Variants in DAB1 observed in about 807,000 individuals in gnomAD.
DAB1 encodes the protein DAB adaptor protein 1.
In DAB1, 15 loss-of-function variants were observed where a neutral mutation model predicts 64.6. That is an observed-to-expected ratio of 0.23 (90% CI 0.16 to 0.36). DAB1 has a LOEUF of 0.36. Ranked by LOEUF, DAB1 falls within the 10% of genes least tolerant of loss-of-function variation. DAB1 has a pLI of 1.00. For synonymous variants in DAB1, 235 were observed against 251.9 expected, an observed-to-expected ratio of 0.93 and a Z score of 0.64; for missense variants, 596 against 706.7, an observed-to-expected ratio of 0.84 and a Z score of 1.78.
At chr1:57,755,393 A>G (rs1332969197) in intron 6 of DAB1, among the ~76,000 whole-genome samples, 2 of 152,158 alleles carry the variant, frequency 1.3e-5, no homozygotes, top group Non-Finnish European at 2.9e-5. Context: ...GTGTATATGT[A>G]TATTTTCCCG....
chr1:57,745,903 A>G (rs192524710), intron 6 of DAB1, among the ~76,000 whole-genome samples: 187 of 152,308 alleles, frequency 1.2e-3, no homozygotes, highest in African/African-American at 4.3e-3. Context: ...CGAACAACAT[A>G]AGTTGTTGAT....
intron 4 of DAB1, among the ~76,000 whole-genome samples, chr1:58,246,327 G>C (rs1453856941): frequency 6.6e-6 from 1 of 152,158 alleles, no homozygotes; most frequent in African/African-American, 2.4e-5. Flanking sequence ...TGGGAGAGAT[G>C]AACACGTGGA....
At chr1:57,892,548 A>C (rs1223002444) in intron 5 of DAB1, among the ~76,000 whole-genome samples, 2 of 152,230 alleles carry the variant, frequency 1.3e-5, no homozygotes, top group South Asian at 2.1e-4. Flanking sequence ...AGGTTCACTC[A>C]GCTGGTAAAT....
chr1:57,054,571 G>A (rs903404933), intron 9 of DAB1, among the ~76,000 whole-genome samples: 6 of 144,478 alleles, frequency 4.2e-5, no homozygotes, highest in African/African-American at 1.6e-4. Context: ...TCCACCTCCC[G>A]GGTTCACGCC....
chr1:57,588,368 T>A (rs1645404572), intron 7 of DAB1, among the ~76,000 whole-genome samples: 1 of 152,242 alleles, frequency 6.6e-6, no homozygotes, highest in African/African-American at 2.4e-5. Context: ...AATGGTAAAG[T>A]TAATTATTGG....
At chr1:58,243,323 C>G (rs1335642174) in intron 4 of DAB1, among the ~76,000 whole-genome samples, 1 of 151,940 alleles carries the variant, frequency 6.6e-6, no homozygotes, top group African/African-American at 2.4e-5. Flanking sequence ...TGACTCAGAG[C>G]TCATTTCAGA....
chr1:57,249,271 T>A (rs918710612), intron 2 of DAB1, among the ~76,000 whole-genome samples: 2 of 152,146 alleles, frequency 1.3e-5, no homozygotes, highest in African/African-American at 4.8e-5. Context: ...TCCTATTGAG[T>A]ATCATGCCCA....
intron 2 of DAB1, among the ~76,000 whole-genome samples, chr1:58,513,268 C>T (rs937184752): frequency 2.0e-5 from 3 of 152,164 alleles, no homozygotes; most frequent in Non-Finnish European, 4.4e-5. Context: ...GACATACCTG[C>T]TTCCCCTTCC....
intron 1 of DAB1, among the ~76,000 whole-genome samples, chr1:57,302,936 C>T (rs141256490): frequency 5.8e-4 from 89 of 152,280 alleles, no homozygotes; most frequent in African/African-American, 2.0e-3. Context: ...CTGCAAAATG[C>T]GATGACTGAA....
At chr1:57,178,097 G>C (rs1316517130) in intron 2 of DAB1, among the ~76,000 whole-genome samples, 2 of 152,120 alleles carry the variant, frequency 1.3e-5, no homozygotes, top group African/African-American at 4.8e-5. Flanking sequence ...AAGTTCAAAA[G>C]TACCAAGTAT....
At chr1:57,798,411 T>C (rs1214092202) in intron 6 of DAB1, among the ~76,000 whole-genome samples, 3 of 152,206 alleles carry the variant, frequency 2.0e-5, no homozygotes, top group African/African-American at 7.2e-5. Flanking sequence ...ACAGGCAGCC[T>C]GAGGCATTTT....
At chr1:57,800,754 C>T (rs796873285) in intron 6 of DAB1, among the ~76,000 whole-genome samples, 1 of 152,246 alleles carries the variant, frequency 6.6e-6, no homozygotes, top group African/African-American at 2.4e-5. Context: ...GTTCCAGTGA[C>T]CTGTTAGCAG....
chr1:58,344,830 A>G (rs1229073906), intron 3 of DAB1, among the ~76,000 whole-genome samples: 1 of 152,038 alleles, frequency 6.6e-6, no homozygotes, highest in African/African-American at 2.4e-5. Context: ...AAATGAGGTG[A>G]TAGGCATCTA....
At chr1:58,381,964 G>A (rs1390692535) in intron 3 of DAB1, among the ~76,000 whole-genome samples, 1 of 123,704 alleles carries the variant, frequency 8.1e-6, no homozygotes, top group Non-Finnish European at 1.8e-5. Flanking sequence ...AAGTGAGACT[G>A]AATGACACCA....
intron 4 of DAB1, among the ~76,000 whole-genome samples, chr1:58,214,909 A>G (rs1457987559): frequency 6.6e-6 from 1 of 152,118 alleles, no homozygotes; most frequent in Non-Finnish European, 1.5e-5. Context: ...TGGAAAATCT[A>G]ATCGCATGAG....
intron 1 of DAB1, among the ~76,000 whole-genome samples, chr1:57,830,325 A>G (rs1652531581): frequency 6.6e-6 from 1 of 152,220 alleles, no homozygotes; most frequent in Admixed American, 6.5e-5. Flanking sequence ...CTGTTGAATG[A>G]GTACTTCATC....
intron 6 of DAB1, among the ~76,000 whole-genome samples, chr1:57,804,171 T>C (rs985989228): frequency 2.6e-5 from 4 of 152,134 alleles, no homozygotes; most frequent in African/African-American, 9.7e-5. Flanking sequence ...TGGATCAAAA[T>C]GGGGGCACAG....
chr1:57,736,438 G>A (rs933139920), intron 6 of DAB1, among the ~76,000 whole-genome samples: 1 of 152,130 alleles, frequency 6.6e-6, no homozygotes, highest in Non-Finnish European at 1.5e-5. Flanking sequence ...TTCATAAATC[G>A]CAGCATATGA....
intron 2 of DAB1, among the ~76,000 whole-genome samples, chr1:57,174,908 T>TC: frequency 6.6e-6 from 1 of 152,304 alleles, no homozygotes; most frequent in South Asian, 2.1e-4. Flanking sequence ...GAAACATGAG[T>TC]ACAGAAATAA....
Sources: allele counts gnomAD v4.1 joint callset (sites outside exome capture counted in the v4.1 genomes callset), GRCh38; gene constraint gnomAD v4.1.1; transcripts MANE v1.5; gene names NCBI Gene and HGNC (gene_info 2026-07-23, HGNC 2026-07-21).